NUP210: variants seen among roughly 807,000 people sequenced by gnomAD.
The protein encoded by NUP210 is nuclear pore membrane glycoprotein 210.
NUP210 carries 151 observed loss-of-function variants against 196.0 expected under a neutral mutation model. That is an observed-to-expected ratio of 0.77 (90% CI 0.67 to 0.88). The LOEUF is 0.88. NUP210 is among the 40% of genes least tolerant of loss of function. The pLI is 0.00. For missense variants in NUP210, 2,314 were observed against 2,493.7 expected (o/e 0.93, Z 1.53); for synonymous variants, 1,070 against 1,052.7 (o/e 1.02, Z -0.32).
intron 14 of NUP210, among the ~76,000 whole-genome samples, chr3:13,364,790 T>G (rs1698476298): frequency 6.6e-6 from 1 of 152,016 alleles, no homozygotes; most frequent in Non-Finnish European, 1.5e-5. Context: ...ATGGCGCCAT[T>G]GCACTCCAGC....
chr3:13,358,680 G>A (rs928805151), intron 15 of NUP210, among the ~76,000 whole-genome samples: 1 of 152,128 alleles, frequency 6.6e-6, no homozygotes, highest in Non-Finnish European at 1.5e-5. Context: ...GGTTTCCCAG[G>A]ACCCTGGGAA....
chr3:13,319,166 A>C lies in NUP210; in HGVS notation c.5480-11T>G, dbSNP rs1357037704. 3 of 1,611,540 alleles carry C rather than the reference A, an allele frequency of 1.9e-6. No individual in the cohort carries two copies. The African/African-American group carries it at 4.0e-5, about 22-fold the overall frequency. ...AGACAGTGTGGTAGGCTGCAAGAGC[A>C]CAGGGTTGGTTAGAGCAGGTCGGGG... On this transcript the variant is annotated splice_polypyrimidine_tract_variant and intron_variant, in intron 38 of 39. Transcript: ENST00000254508.
At chr3:13,331,099 T>C (rs750322785) in intron 29 of NUP210, among the ~76,000 whole-genome samples, 2 of 152,166 alleles carry the variant, frequency 1.3e-5, no homozygotes, top group African/African-American at 2.4e-5. Context: ...GTGTGCACAT[T>C]ATGTCCCCTC....
intron 10 of NUP210, among the ~76,000 whole-genome samples, chr3:13,375,954 G>A (rs1302041824): frequency 1.3e-5 from 2 of 152,230 alleles, no homozygotes; most frequent in East Asian, 3.8e-4. Context: ...AGCCCCCAGA[G>A]CTGAGGAGGC....
intron 1 of NUP210, among the ~76,000 whole-genome samples, chr3:13,400,929 AAGG>A (rs10575765): frequency 0.22 from 33,825 of 151,910 alleles, 5,946 homozygotes; most frequent in African/African-American, 0.49. Flanking sequence ...GAGTATTCTG[AAGG>A]AGACTTGTCA....
At chr3:13,418,519 T>C (rs113945613) in intron 1 of NUP210, among the ~76,000 whole-genome samples, 33,601 of 152,052 alleles carry the variant, frequency 0.22, 5,834 homozygotes, top group African/African-American at 0.49. Context: ...GGTGGATCGC[T>C]TGAGGAGTTC....
intron 8 of NUP210, 77 bp downstream of exon 8, chr3:13,378,835 T>G: frequency 9.1e-7 from 1 of 1,100,960 alleles, no homozygotes; most frequent in Non-Finnish European, 1.4e-6. Context: ...GTGGAGCTAT[T>G]GCTTCTTTTC....
intron 5 of NUP210, among the ~76,000 whole-genome samples, chr3:13,387,331 C>G (rs1015658459): frequency 6.6e-6 from 1 of 152,220 alleles, no homozygotes; most frequent in East Asian, 1.9e-4. Flanking sequence ...CTTTCCAGCA[C>G]GCAGGCAGGG....
Position 13,330,208 on chromosome 3 carries a change from A to G in NUP210, c.4110+252T>C, listed in dbSNP as rs566559431. Among the ~76,000 whole-genome samples, 6 of 152,342 alleles carry G rather than the reference A, an allele frequency of 3.9e-5. No individual in the cohort carries two copies. The South Asian group carries it at 1.0e-3, about 26-fold the overall frequency. ...CCAGCTCTGTAACCTTACGCCAATC[A>G]TGGACCTTGCTGGGCCTCATCTATG... On this transcript the variant is annotated intron_variant, in intron 30 of 39. Transcript: ENST00000254508.
chr3:13,383,524 T>C (rs1326385837), intron 6 of NUP210, among the ~76,000 whole-genome samples: 1 of 135,560 alleles, frequency 7.4e-6, no homozygotes, highest in East Asian at 2.0e-4. Context: ...CTCTTTTTTT[T>C]TTTTTTTTTT....
chr3:13,353,699 C>T (rs1698063360), intron 17 of NUP210, 39 bp from the exon 18 acceptor site: 9 of 1,537,436 alleles, frequency 5.9e-6, no homozygotes, highest in South Asian at 1.1e-5. Context: ...TGGATGTCTG[C>T]CCATCACCAC....
At position 13,332,322 on chromosome 3, in the gene NUP210, G is replaced by A; in HGVS notation, c.3906C>T (p.Pro1302=). Residue 1302 remains proline, a synonymous_variant, in exon 29 of 40, where the codon CCC becomes CCT. Coordinates refer to ENST00000254508, the MANE Select transcript of NUP210 (RefSeq NM_024923.4). ...EIEAEQILMS[P]NSYIKLQTNR... Reference sequence around the variant, plus strand: ...TTGTCTGCAGCTTTATATATGAGTTGGGCGACATTAATATTTGTTCTGCTT... The same window carrying A: ...TTGTCTGCAGCTTTATATATGAGTTAGGCGACATTAATATTTGTTCTGCTT... 4 of 1,613,656 alleles carry A rather than the reference G, an allele frequency of 2.5e-6. No individual in the cohort carries two copies. The highest frequency in any genetic ancestry group is 2.5e-6 in the Non-Finnish European group (3 of 1,179,708).
At position 13,347,160 on chromosome 3, in the gene NUP210, T is replaced by C. The variant is rs565107902; in HGVS notation, c.2836-3857A>G. ...GATGGAGAGAAGCAGCCGCAGCTCA[T>C]AGGACCCAGGAGATGGAGAGACACA... On this transcript the variant is annotated intron_variant, in intron 20 of 39. Transcript: ENST00000254508. The surrounding 1 kb of genome is among the most constrained non-coding windows in gnomAD (Gnocchi z 4.7). 6.1e-6 allele frequency: 6 copies of C among 985,216 alleles called. No homozygotes were observed. In the South Asian group the frequency reaches 1.4e-4, roughly 23 times the overall value. The allele number at this position is 985,216 out of a possible 1,614,324, so 61.0% of individuals were successfully genotyped here.
At chr3:13,321,399 G>A (rs2306483) in intron 36 of NUP210, among the ~76,000 whole-genome samples, 186 bp downstream of exon 36, 3,050 of 152,330 alleles carry the variant, frequency 0.02, 63 homozygotes, top group East Asian at 0.087. Flanking sequence ...ATACAATCAC[G>A]CAGCCTGAGA....
chr3:13,349,705 G>T (rs185451950), intron 20 of NUP210, among the ~76,000 whole-genome samples: 3 of 152,348 alleles, frequency 2.0e-5, no homozygotes, highest in East Asian at 3.9e-4. Flanking sequence ...GGTGTGAGTT[G>T]CTCCTGAAGG....
intron 5 of NUP210, among the ~76,000 whole-genome samples, chr3:13,387,921 A>G (rs910096918): frequency 6.6e-5 from 10 of 152,172 alleles, no homozygotes; most frequent in African/African-American, 2.4e-4. Flanking sequence ...GACAGCATAG[A>G]AGACACCCAG....
chr3:13,371,509 C>A (rs965564889), intron 13 of NUP210, among the ~76,000 whole-genome samples: 1 of 152,210 alleles, frequency 6.6e-6, no homozygotes, highest in Admixed American at 6.5e-5. Context: ...TTAACCAAAC[C>A]CCTATTGACA....
chr3:13,403,061 T>C (rs1699892182), intron 1 of NUP210, among the ~76,000 whole-genome samples: 1 of 152,228 alleles, frequency 6.6e-6, no homozygotes, highest in African/African-American at 2.4e-5. Context: ...TATTCCTCCA[T>C]TTTTAAATCC....
intron 1 of NUP210, among the ~76,000 whole-genome samples, chr3:13,404,499 C>T (rs1191872577): frequency 1.3e-5 from 2 of 152,208 alleles, no homozygotes; most frequent in Non-Finnish European, 2.9e-5. Context: ...GTTATTCTAA[C>T]TTCTAAATGA....
Sources: allele counts gnomAD v4.1 joint callset (sites outside exome capture counted in the v4.1 genomes callset), GRCh38; gene constraint gnomAD v4.1.1; non-coding constraint Gnocchi (gnomAD v3.1); transcripts MANE v1.5; gene names NCBI Gene and HGNC (gene_info 2026-07-23, HGNC 2026-07-21).